ABCB5: variants seen among roughly 807,000 people sequenced by gnomAD.
ABCB5 encodes the protein ATP binding cassette subfamily B member 5, also known as ATP-binding cassette sub-family B member 5.
In ABCB5, 155 loss-of-function variants were observed where a neutral mutation model predicts 144.2. The observed-to-expected ratio is 1.08, with a 90% confidence interval of 0.94 to 1.23. The LOEUF (loss-of-function observed/expected upper bound fraction) is 1.23, where lower values mean the gene tolerates loss of function less well. Ranked by LOEUF, ABCB5 falls within the 50% of genes most tolerant of loss-of-function variation. The pLI is 0.00. For synonymous variants in ABCB5, 610 were observed against 528.6 expected, an observed-to-expected ratio of 1.15 and a Z score of -2.11; for missense variants, 1,830 against 1,520.8, an observed-to-expected ratio of 1.20 and a Z score of -3.38.
intron 14 of ABCB5, among the ~76,000 whole-genome samples, chr7:20,665,782 T>G (rs1785169290): frequency 1.3e-5 from 2 of 150,290 alleles, no homozygotes; most frequent in Non-Finnish European, 3.0e-5. Context: ...CATACATACA[T>G]ACATACATAC....
At chr7:20,651,654 C>G in intron 13 of ABCB5, 31 bp downstream of exon 13, 1 of 1,603,812 alleles carries the variant, frequency 6.2e-7, no homozygotes, top group South Asian at 1.1e-5. Context: ...GTGTCCTTAG[C>G]TTATGGTGGC....
At chr7:20,678,639 CAAAA>C (rs556531321) in intron 14 of ABCB5, among the ~76,000 whole-genome samples, 2 of 99,744 alleles carry the variant, frequency 2.0e-5, no homozygotes, top group African/African-American at 7.4e-5. Context: ...AAAACAAAAA[CAAAA>C]AAAAACACAT....
At chr7:20,753,566 G>A in intron 27 of ABCB5, 60 bp downstream of exon 27, 3 of 1,539,860 alleles carry the variant, frequency 1.9e-6, no homozygotes, top group Non-Finnish European at 2.6e-6. Context: ...CAATAACATG[G>A]AGGAAACCAA....
At chr7:20,737,022 T>C (rs757223503) in intron 23 of ABCB5, among the ~76,000 whole-genome samples, 1 of 152,060 alleles carries the variant, frequency 6.6e-6, no homozygotes, top group Non-Finnish European at 1.5e-5. Context: ...TAGCTAGGCA[T>C]GGTGGTGCAT....
Position 20,643,546 on chromosome 7 carries a change from G to C in ABCB5, c.592G>C (p.Val198Leu), listed in dbSNP as rs572751870. ...NMSTFSIGLAVGLVKGWKLTL... is the reference protein window; with the variant it reads ...NMSTFSIGLALGLVKGWKLTL... ...GTCTACTTTTTCGATTGGCCTGGCA[G>C]TTGGTTTGGTGAAGGGCTGGAAACT... Residue 198 changes from valine to leucine, a missense_variant, in exon 7 of 28, where the codon GTT becomes CTT. Transcript: ENST00000404938. 4 of 1,614,010 alleles carry C rather than the reference G, an allele frequency of 2.5e-6. No individual in the cohort carries two copies. The South Asian group carries it at 4.4e-5, about 18-fold the overall frequency.
chr7:20,704,925 G>C (rs1786770480), intron 20 of ABCB5, 118 bp downstream of exon 20: 1 of 659,762 alleles, frequency 1.5e-6, no homozygotes, highest in Non-Finnish European at 2.4e-6. Flanking sequence ...CATTAATGAG[G>C]CCAGGTAAGT....
chr7:20,687,048 A>T (rs562530292), intron 16 of ABCB5, among the ~76,000 whole-genome samples: 44 of 152,326 alleles, frequency 2.9e-4, no homozygotes, highest in African/African-American at 9.6e-4. Context: ...CTATTTAAAT[A>T]AATAAGCATG....
At chr7:20,636,890 T>A (rs1422602964) in intron 5 of ABCB5, among the ~76,000 whole-genome samples, 2 of 152,020 alleles carry the variant, frequency 1.3e-5, no homozygotes, top group Admixed American at 1.3e-4. Context: ...TTTTGAAATA[T>A]TTGAGATACA....
chr7:20,744,146 C>T (rs577703215), intron 25 of ABCB5, among the ~76,000 whole-genome samples: 129 of 152,246 alleles, frequency 8.5e-4, no homozygotes, highest in Non-Finnish European at 1.4e-3. Flanking sequence ...CTCACTGCAA[C>T]CCCCGCCTCT....
chr7:20,669,136 C>T (rs1185611094), intron 14 of ABCB5, among the ~76,000 whole-genome samples: 16 of 150,830 alleles, frequency 1.1e-4, no homozygotes, highest in Admixed American at 8.5e-4. Context: ...CCAGCTGCCC[C>T]ATCCGGGAGG....
chr7:20,629,557 T>C (rs562000301), intron 4 of ABCB5, among the ~76,000 whole-genome samples: 1 of 151,802 alleles, frequency 6.6e-6, no homozygotes, highest in African/African-American at 2.4e-5. Flanking sequence ...AGGTCAGGAG[T>C]TCGATACTAG....
At chr7:20,755,013 G>A (rs1783043030) in intron 27 of ABCB5, among the ~76,000 whole-genome samples, 2 of 151,588 alleles carry the variant, frequency 1.3e-5, no homozygotes, top group East Asian at 1.9e-4. Context: ...GCAATGGCAC[G>A]ATCTCAGCTC....
intron 21 of ABCB5, among the ~76,000 whole-genome samples, chr7:20,725,486 G>A (rs1237162339): frequency 1.3e-5 from 2 of 152,210 alleles, no homozygotes; most frequent in Admixed American, 6.5e-5. Context: ...GGCTAAGGCA[G>A]GAGAATCACT....
intron 20 of ABCB5, among the ~76,000 whole-genome samples, chr7:20,718,448 G>C (rs950008477): frequency 2.0e-5 from 3 of 152,080 alleles, no homozygotes; most frequent in Non-Finnish European, 4.4e-5. Flanking sequence ...GTCGATCTTA[G>C]TTTTCAGTAT....
rs1313406605 is a variant in ABCB5 at position 20,681,060 on chromosome 7, CTTTCTTTCTTTCTT to C, written c.1708-443_1708-430del. On this transcript the variant is annotated intron_variant, in intron 14 of 27. Coordinates refer to ENST00000404938, the MANE Select transcript of ABCB5 (RefSeq NM_001163941.2). ...TCTTTCTTTCTTTCTCTCTCTCTCTCTTTCTTTCTTTCTTTCTTTCTTTCTTTCTTTCTTTCTTT... is the reference window on the plus strand; with the variant it reads ...TCTTTCTTTCTTTCTCTCTCTCTCTCTCTTTCTTTCTTTCTTTCTTTCTTT... Among the ~76,000 whole-genome samples the C allele has an allele frequency of 5.0e-3, 52 of 10,444 alleles. 7 individuals are homozygous for C. The South Asian group carries it at 0.15, about 30-fold the overall frequency. 6.9% of individuals were successfully genotyped at this position (10,444 alleles called of 152,430 possible).
intron 7 of ABCB5, among the ~76,000 whole-genome samples, chr7:20,644,860 C>T (rs931458128): frequency 6.6e-6 from 1 of 152,200 alleles, no homozygotes; most frequent in Non-Finnish European, 1.5e-5. Context: ...CATGTCTTTA[C>T]TTAGTGTGAC....
intron 16 of ABCB5, among the ~76,000 whole-genome samples, chr7:20,688,216 T>C (rs560905976): frequency 1.3e-5 from 2 of 150,818 alleles, no homozygotes; most frequent in East Asian, 3.9e-4. Context: ...AAAAACAAAA[T>C]AAAATAAAAT....
At chr7:20,647,513 A>G (rs374635368) in intron 9 of ABCB5, 22 bp from the exon 10 acceptor site, 2 of 1,531,072 alleles carry the variant, frequency 1.3e-6, no homozygotes, top group African/African-American at 2.8e-5. Flanking sequence ...AAAGATAAAT[A>G]TCACTTTGTT....
At chr7:20,639,052 T>C (rs951594261) in intron 5 of ABCB5, among the ~76,000 whole-genome samples, 9 of 152,224 alleles carry the variant, frequency 5.9e-5, no homozygotes, top group Non-Finnish European at 1.3e-4. Context: ...TTACAGCCAT[T>C]GTAGTAGGTA....
Sources: allele counts gnomAD v4.1 joint callset (sites outside exome capture counted in the v4.1 genomes callset), GRCh38; gene constraint gnomAD v4.1.1; transcripts MANE v1.5; gene names NCBI Gene and HGNC (gene_info 2026-07-23, HGNC 2026-07-21).